The following TYW1B variants were observed in gnomAD, a reference collection of about 807,000 sequenced individuals.
The protein encoded by TYW1B is tRNA-yW synthesizing protein 1 homolog B, also known as S-adenosyl-L-methionine-dependent tRNA 4-demethylwyosine synthase TYW1B.
A neutral mutation model predicts 86.9 loss-of-function variants in TYW1B; 73 were observed. That is an observed-to-expected ratio of 0.84 (90% CI 0.70 to 1.02). The LOEUF (loss-of-function observed/expected upper bound fraction) is 1.02. TYW1B is among the 50% of genes least tolerant of loss of function. The pLI, the probability that TYW1B is intolerant of heterozygous loss-of-function variation, is 0.00. For missense variants in TYW1B, 637 were observed against 827.4 expected, an observed-to-expected ratio of 0.77 and a Z score of 2.82; for synonymous variants, 248 against 292.8, an observed-to-expected ratio of 0.85 and a Z score of 1.56.
chr7:72,784,937 C>T (rs2129572166), intron 6 of TYW1B, among the ~76,000 whole-genome samples: 1 of 152,074 alleles, frequency 6.6e-6, no homozygotes, highest in African/African-American at 2.4e-5. Flanking sequence ...CTTGAGAAGC[C>T]TCTAGGATCC....
At chr7:72,729,051 G>T in intron 8 of TYW1B, 120 bp from the exon 9 acceptor site, 1 of 832,916 alleles carries the variant, frequency 1.2e-6, no homozygotes, top group Non-Finnish European at 1.9e-6. Flanking sequence ...CCTCCTCAGA[G>T]TTCAACCACG....
intron 13 of TYW1B, among the ~76,000 whole-genome samples, chr7:72,575,924 T>C (rs1338797873): frequency 3.3e-5 from 5 of 152,232 alleles, no homozygotes; most frequent in Non-Finnish European, 5.9e-5. Flanking sequence ...ACAGGAGAGC[T>C]TCCTTTCCCT....
At chr7:72,586,785 T>C (rs1304695112) in intron 13 of TYW1B, among the ~76,000 whole-genome samples, 1 of 151,666 alleles carries the variant, frequency 6.6e-6, no homozygotes, top group Non-Finnish European at 1.5e-5. Context: ...TGGTGTGGCC[T>C]AAGGCCTACA....
chr7:72,811,234 G>A (rs1246180144), intron 3 of TYW1B, among the ~76,000 whole-genome samples: 1 of 143,200 alleles, frequency 7.0e-6, no homozygotes, highest in African/African-American at 2.6e-5. Context: ...TCGCGCCACT[G>A]CACTCCAGCC....
chr7:72,816,545 A>G (rs1554479459), intron 2 of TYW1B, among the ~76,000 whole-genome samples: 2 of 152,136 alleles, frequency 1.3e-5, no homozygotes, highest in Non-Finnish European at 2.9e-5. Flanking sequence ...GATGGAATGA[A>G]TATCTTTTGT....
chr7:72,601,807 A>T (rs1811674817), intron 13 of TYW1B, among the ~76,000 whole-genome samples: 1 of 152,046 alleles, frequency 6.6e-6, no homozygotes. Context: ...ATAAAACTAC[A>T]TAGTATATAC....
intron 12 of TYW1B, among the ~76,000 whole-genome samples, chr7:72,620,840 TAC>T (rs1380190286): frequency 3.3e-5 from 5 of 152,114 alleles, no homozygotes; most frequent in African/African-American, 1.2e-4. Context: ...AATAGATGGG[TAC>T]AGCGTGGTGA....
chr7:72,771,548 T>C (rs1787868580), intron 7 of TYW1B, among the ~76,000 whole-genome samples: 3 of 152,142 alleles, frequency 2.0e-5, no homozygotes, highest in Admixed American at 2.0e-4. Flanking sequence ...TATTTAAAAG[T>C]TGCATGTAAT....
At chr7:72,793,088 C>T (rs1180936839) in intron 6 of TYW1B, among the ~76,000 whole-genome samples, 3 of 152,126 alleles carry the variant, frequency 2.0e-5, no homozygotes, top group Admixed American at 6.6e-5. Context: ...ACTGTAATCC[C>T]AGCACTTTGG....
At chr7:72,818,916 G>T (rs1470897712) in intron 2 of TYW1B, among the ~76,000 whole-genome samples, 1 of 152,062 alleles carries the variant, frequency 6.6e-6, no homozygotes, top group African/African-American at 2.4e-5. Flanking sequence ...AGCACCTCCC[G>T]CCAAGCCCCA....
At chr7:72,667,510 T>A (rs1813494858) in intron 11 of TYW1B, among the ~76,000 whole-genome samples, 1 of 152,048 alleles carries the variant, frequency 6.6e-6, no homozygotes, top group African/African-American at 2.4e-5. Flanking sequence ...AGCTCAGAGT[T>A]CTAGAAGAGG....
intron 9 of TYW1B, among the ~76,000 whole-genome samples, chr7:72,717,136 A>G (rs1207504804): frequency 6.6e-6 from 1 of 151,882 alleles, no homozygotes; most frequent in African/African-American, 2.4e-5. Flanking sequence ...CCTCATCTCT[A>G]CTAAAAATAC....
intron 7 of TYW1B, among the ~76,000 whole-genome samples, chr7:72,749,912 G>GTTTTTTTTT (rs35656387): frequency 4.2e-5 from 5 of 119,014 alleles, no homozygotes; most frequent in Non-Finnish European, 6.6e-5. Flanking sequence ...GGTTTTTTTT[G>GTTTTTTTTT]TTTTTTTTTT....
intron 13 of TYW1B, among the ~76,000 whole-genome samples, chr7:72,596,084 G>C (rs768923681): frequency 6.7e-5 from 10 of 149,188 alleles, no homozygotes; most frequent in Non-Finnish European, 1.3e-4. Flanking sequence ...GCTGAGGAAG[G>C]AGAATCACTT....
rs574593834 is a variant in TYW1B, at chr7:72,760,593, T to C, written c.965-15992A>G. 7.9e-5 allele frequency among the ~76,000 whole-genome samples: 12 copies of C among 152,338 alleles called. No homozygotes were observed. The South Asian group carries it at 2.3e-3, about 29-fold the overall frequency. ...CTTGGCATAGTTAGTTGGCAAGAAG[T>C]CCCTTAAAGAGAAAGGAGTGCTCAC... On this transcript the variant is annotated intron_variant, in intron 7 of 13. Coordinates refer to ENST00000620995, the MANE Select transcript of TYW1B (RefSeq NM_001145440.3).
chr7:72,776,556 C>CCAAAA (rs1787957969), intron 7 of TYW1B, among the ~76,000 whole-genome samples: 1 of 45,246 alleles, frequency 2.2e-5, no homozygotes, highest in African/African-American at 9.4e-5. Context: ...GACTCTGTCT[C>CCAAAA]AAAAAAAAAA....
intron 11 of TYW1B, among the ~76,000 whole-genome samples, chr7:72,645,087 A>G (rs1482351524): frequency 2.6e-5 from 4 of 152,144 alleles, no homozygotes; most frequent in Non-Finnish European, 4.4e-5. Flanking sequence ...TCGGCCTCCC[A>G]AAGAGCTGGG....
intron 11 of TYW1B, among the ~76,000 whole-genome samples, chr7:72,666,648 C>G (rs1813468893): frequency 1.3e-5 from 2 of 152,058 alleles, no homozygotes; most frequent in African/African-American, 2.4e-5. Flanking sequence ...CCAACCTGTT[C>G]CTGAAAATGC....
At chr7:72,819,445 T>G (rs1314461359) in intron 2 of TYW1B, among the ~76,000 whole-genome samples, 1 of 152,068 alleles carries the variant, frequency 6.6e-6, no homozygotes, top group African/African-American at 2.4e-5. Context: ...TGTCTTTTAT[T>G]TTTTTGAGAG....
Sources: allele counts gnomAD v4.1 joint callset (sites outside exome capture counted in the v4.1 genomes callset), GRCh38; gene constraint gnomAD v4.1.1; transcripts MANE v1.5; gene names NCBI Gene and HGNC (gene_info 2026-07-23, HGNC 2026-07-21).